The following SLC5A1 variants were observed in gnomAD, a reference collection of about 807,000 sequenced individuals.
SLC5A1 encodes the protein solute carrier family 5 member 1.
A neutral mutation model predicts 73.5 loss-of-function variants in SLC5A1; 42 were observed. That is an observed-to-expected ratio of 0.57 (90% CI 0.45 to 0.74). SLC5A1 has a LOEUF of 0.74. Among genes scored for constraint, SLC5A1 ranks in the 30% least tolerant of loss-of-function variants. The pLI, the probability that SLC5A1 is intolerant of heterozygous loss-of-function variation, is 0.00. For synonymous variants in SLC5A1, 300 were observed against 317.4 expected, an observed-to-expected ratio of 0.95 and a Z score of 0.58; for missense variants, 634 against 855.4, an observed-to-expected ratio of 0.74 and a Z score of 3.23.
At chr22:32,057,387 C>G (rs76345262) in intron 2 of SLC5A1, among the ~76,000 whole-genome samples, 2 of 152,264 alleles carry the variant, frequency 1.3e-5, no homozygotes, top group East Asian at 3.9e-4. Context: ...CTTCCTCAGC[C>G]TCCCGAGTAT....
At position 32,043,303 on chromosome 22, in the gene SLC5A1, C is replaced by G; in HGVS notation, c.22C>G (p.Pro8Ala). The G allele has an allele frequency of 6.2e-7, 1 of 1,614,094 alleles. No homozygotes were observed. The highest frequency in any genetic ancestry group is 8.5e-7 in the Non-Finnish European group (1 of 1,180,030). ...CACCATGGACAGTAGCACCTGGAGCCCCAAGACCACCGCGGTCACCCGGCC... is the reference window on the plus strand; with the variant it reads ...CACCATGGACAGTAGCACCTGGAGCGCCAAGACCACCGCGGTCACCCGGCC... MDSSTWSPKTTAVTRPVE... is the reference protein window; with the variant it reads MDSSTWSAKTTAVTRPVE... The change falls in exon 1 of 15, where the codon CCC becomes GCC. Residue 8 changes from proline (P) to alanine (A), a missense_variant. Physicochemically the swap from Pro to Ala is conservative, Grantham distance 27. This residue lies in a region of SLC5A1 where 51 missense variants were observed against 50.5 expected (regional missense o/e 1.01). Coordinates refer to ENST00000266088, the MANE Select transcript of SLC5A1 (RefSeq NM_000343.4). This position sits in a 1 kb window ranked among gnomAD's most constrained non-coding sequence, Gnocchi z 6.5.
intron 2 of SLC5A1, among the ~76,000 whole-genome samples, chr22:32,056,013 C>T (rs1189547405): frequency 6.6e-6 from 1 of 152,036 alleles, no homozygotes; most frequent in African/African-American, 2.4e-5. Context: ...CAGTAATCTG[C>T]GTATGTTTTT....
At chr22:32,098,832 A>G (rs2094030623) in intron 11 of SLC5A1, among the ~76,000 whole-genome samples, 1 of 152,000 alleles carries the variant, frequency 6.6e-6, no homozygotes, top group Admixed American at 6.6e-5. Context: ...CACGCCTGTA[A>G]TCCCAGCACT....
At chr22:32,045,525 T>C (rs1371962476) in intron 1 of SLC5A1, among the ~76,000 whole-genome samples, 3 of 152,266 alleles carry the variant, frequency 2.0e-5, no homozygotes, top group Non-Finnish European at 4.4e-5. Context: ...GACTCCTTCA[T>C]GATCTCTGGG....
intron 14 of SLC5A1, among the ~76,000 whole-genome samples, chr22:32,107,943 T>G (rs1201672914): frequency 6.6e-6 from 1 of 152,112 alleles, no homozygotes; most frequent in East Asian, 1.9e-4. Context: ...ACCACCATCA[T>G]CGATAATGAT....
intron 2 of SLC5A1, among the ~76,000 whole-genome samples, chr22:32,054,552 T>C (rs1397793360): frequency 6.6e-6 from 1 of 152,130 alleles, no homozygotes; most frequent in African/African-American, 2.4e-5. Context: ...CATGTGAAGA[T>C]TCTGGGATGA....
rs201205817 is a variant in SLC5A1, at chr22:32,083,106, T to C, written c.616T>C (p.Leu206=). 6.2e-6 allele frequency: 10 copies of C among 1,614,188 alleles called. No homozygotes were observed. The highest frequency in any genetic ancestry group is 8.5e-6 in the Non-Finnish European group (10 of 1,180,030). The change falls in exon 7 of 15, where the codon TTG becomes CTG. Residue 206 remains leucine (L), a synonymous_variant. Transcript: ENST00000266088. ...GGCGGCGGTGATTTACACGGACACC[T>C]TGCAGACGGTGATCATGCTGGTGGG... The part of the protein sequence containing the change: ...GLAAVIYTDT[L]QTVIMLVGSL...
chr22:32,059,136 C>G, intron 2 of SLC5A1: 1 of 985,350 alleles, frequency 1.0e-6, no homozygotes, highest in Non-Finnish European at 1.2e-6. Context: ...AATTCCTCTT[C>G]TGAATTTCAT....
At chr22:32,063,059 G>A (rs529663161) in intron 2 of SLC5A1, among the ~76,000 whole-genome samples, 1 of 152,232 alleles carries the variant, frequency 6.6e-6, no homozygotes, top group African/African-American at 2.4e-5. Flanking sequence ...TGTATATGGG[G>A]AGAGAGAGAA....
intron 5 of SLC5A1, among the ~76,000 whole-genome samples, chr22:32,074,486 C>A (rs926352037): frequency 3.3e-5 from 5 of 152,090 alleles, no homozygotes; most frequent in African/African-American, 1.2e-4. Flanking sequence ...CCCTCGTCAC[C>A]CTCCTGCTCA....
At chr22:32,063,788 T>C (rs958487690) in intron 2 of SLC5A1, among the ~76,000 whole-genome samples, 1 of 152,108 alleles carries the variant, frequency 6.6e-6, no homozygotes, top group Non-Finnish European at 1.5e-5. Flanking sequence ...TAGGTGGCCA[T>C]AATATTGTGA....
intron 12 of SLC5A1, among the ~76,000 whole-genome samples, chr22:32,101,378 G>A (rs1250204852): frequency 1.3e-5 from 2 of 152,120 alleles, no homozygotes; most frequent in Middle Eastern, 3.4e-3. Context: ...TCATGTTTCT[G>A]GTCTCTTAAA....
intron 8 of SLC5A1, 119 bp from the exon 9 acceptor site, chr22:32,084,781 C>A: frequency 6.5e-7 from 1 of 1,530,310 alleles, no homozygotes. Context: ...TTGTAAGTTG[C>A]CACGCCCCAG....
intron 1 of SLC5A1, among the ~76,000 whole-genome samples, chr22:32,049,502 C>T (rs2093942467): frequency 6.8e-6 from 1 of 146,904 alleles, no homozygotes; most frequent in African/African-American, 2.5e-5. Context: ...ACCTCAGCCT[C>T]CTGAGTAGCT....
At chr22:32,066,352 C>T (rs1238877339) in intron 2 of SLC5A1, among the ~76,000 whole-genome samples, 1 of 152,138 alleles carries the variant, frequency 6.6e-6, no homozygotes, top group East Asian at 1.9e-4. Context: ...TTATTAATAT[C>T]ATCTCTGTTA....
chr22:32,069,184 A>G (rs1175518828), intron 5 of SLC5A1, among the ~76,000 whole-genome samples: 5 of 152,234 alleles, frequency 3.3e-5, no homozygotes, highest in Non-Finnish European at 5.9e-5. Context: ...GGCTAGGCAC[A>G]GAAAGACAAA....
At chr22:32,065,768 T>C (rs2093971859) in intron 2 of SLC5A1, among the ~76,000 whole-genome samples, 1 of 152,220 alleles carries the variant, frequency 6.6e-6, no homozygotes, top group South Asian at 2.1e-4. Flanking sequence ...AATCTCCCTC[T>C]CCCCTGACTT....
Position 32,110,133 on chromosome 22 carries a change from C to T in SLC5A1, c.1915C>T (p.Pro639Ser), listed in dbSNP as rs200684333. The T allele has an allele frequency of 3.1e-6, 5 of 1,614,016 alleles. No individual in the cohort carries two copies. The African/African-American group carries it at 5.3e-5, about 17-fold the overall frequency. Reference protein sequence around the residue: ...KMKMTDTSEKPLWRTVLNVNG... With the variant: ...KMKMTDTSEKSLWRTVLNVNG... ...GAAGATGACGGACACCTCTGAGAAG[C>T]CTTTGTGGAGGACAGTGTTGAACGT... Residue 639 changes from proline to serine, a missense_variant, in exon 15 of 15, where the codon CCT (proline) becomes TCT (serine). Pro to Ser is a moderately conservative substitution (Grantham distance 74, BLOSUM62 -1). This residue lies in a region of SLC5A1 where 161 missense variants were observed against 178.7 expected (regional missense o/e 0.90). Transcript: ENST00000266088.
intron 5 of SLC5A1, among the ~76,000 whole-genome samples, chr22:32,077,219 T>TTTCC (rs369674624): frequency 0.044 from 6,597 of 151,474 alleles, 193 homozygotes; most frequent in Non-Finnish European, 0.07. Context: ...TCCTTCCTTC[T>TTTCC]TTCCTTCCTT....
Sources: gnomAD v4.1 joint callset for allele counts (sites outside exome capture counted in the v4.1 genomes callset) on GRCh38, gnomAD v4.1.1 for gene constraint, gnomAD v4.1.1 regional missense constraint, Gnocchi (gnomAD v3.1) non-coding constraint, MANE v1.5 for transcripts, NCBI Gene and HGNC (gene_info 2026-07-23, HGNC 2026-07-21) for gene names.